The following PVT1 variants were observed in gnomAD, a reference collection of about 807,000 sequenced individuals.
The protein encoded by PVT1 is CXCR4/PVT1 fusion.
At chr8:127,911,900 T>C (rs1815902623) in intron 3 of PVT1, among the ~76,000 whole-genome samples, 1 of 152,244 alleles carries the variant, frequency 6.6e-6, no homozygotes, top group Non-Finnish European at 1.5e-5. Context: ...GTAAACTGTT[T>C]TAACTGAACC....
intron 2 of PVT1, among the ~76,000 whole-genome samples, chr8:127,860,534 G>A (rs1008175892): frequency 2.6e-5 from 4 of 152,088 alleles, no homozygotes; most frequent in Admixed American, 1.3e-4. Flanking sequence ...GGAGGCCAAG[G>A]TGGGCGGATC....
At chr8:127,952,865 C>T (rs1248603693) in intron 3 of PVT1, among the ~76,000 whole-genome samples, 1 of 151,910 alleles carries the variant, frequency 6.6e-6, no homozygotes, top group Non-Finnish European at 1.5e-5. Flanking sequence ...CCCAGGTTCA[C>T]GCCATTCTCC....
intron 2 of PVT1, among the ~76,000 whole-genome samples, chr8:127,868,388 G>C (rs753486239): frequency 2.0e-5 from 3 of 151,732 alleles, no homozygotes; most frequent in Non-Finnish European, 4.4e-5. Context: ...AGTTTTTTTT[G>C]TTTGTTTGTT....
At chr8:127,896,780 C>CCCCCCCCCCCCCCCCA (rs1815683721) in intron 3 of PVT1, among the ~76,000 whole-genome samples, 1 of 141,100 alleles carries the variant, frequency 7.1e-6, no homozygotes, top group Admixed American at 6.9e-5. Flanking sequence ...TTCCTCCCCC[C>CCCCCCCCCCCCCCCCA]CCCCGCCCCC....
Position 127,963,575 on chromosome 8 carries a change from C to G in PVT1, n.783-25587C>G, listed in dbSNP as rs188499861. On this transcript the variant is annotated intron_variant and non_coding_transcript_variant, in intron 3 of 10. Transcript: ENST00000651587. ...CATAGAAAGGCAGCACCCCCCACCC[C>G]CCTCCACCCTTTTTTTGAAGCAGCA... 2.4e-3 allele frequency among the ~76,000 whole-genome samples: 367 copies of G among 152,238 alleles called. 4 individuals are homozygous for G. Among genetic ancestry groups the G allele is most frequent in the African/African-American group, 8.6e-3 (356 of 41,536 alleles).
chr8:128,081,109 A>G (rs1231776426), intron 5 of PVT1, among the ~76,000 whole-genome samples: 1 of 152,186 alleles, frequency 6.6e-6, no homozygotes, highest in Non-Finnish European at 1.5e-5. Flanking sequence ...CTTGATGACC[A>G]TAGCTTTATA....
chr8:127,895,603 T>C (rs1815665230), intron 3 of PVT1, among the ~76,000 whole-genome samples: 1 of 152,056 alleles, frequency 6.6e-6, no homozygotes, highest in South Asian at 2.1e-4. Flanking sequence ...GGAATACTAG[T>C]TTTTTTTAAA....
chr8:128,074,244 C>T (rs138231339), intron 5 of PVT1, among the ~76,000 whole-genome samples: 287 of 152,258 alleles, frequency 1.9e-3, no homozygotes, highest in African/African-American at 6.3e-3. Flanking sequence ...CAGTGGCTCA[C>T]GCCTGTAATC....
intron 4 of PVT1, among the ~76,000 whole-genome samples, chr8:128,020,345 C>A (rs762307178): frequency 5.2e-4 from 79 of 152,278 alleles, no homozygotes; most frequent in Non-Finnish European, 1.0e-3. Context: ...CCAGGTGGAT[C>A]CAATCCAATC....
chr8:128,054,547 T>C (rs771951388), intron 4 of PVT1, among the ~76,000 whole-genome samples: 1 of 152,196 alleles, frequency 6.6e-6, no homozygotes, highest in African/African-American at 2.4e-5. Context: ...TCCTTGCACC[T>C]GTTGATTGAA....
chr8:127,969,948 G>A (rs1816744750), intron 3 of PVT1, among the ~76,000 whole-genome samples: 1 of 152,204 alleles, frequency 6.6e-6, no homozygotes, highest in African/African-American at 2.4e-5. Context: ...ATTCTTTGCA[G>A]TGGGCCCAGG....
chr8:127,907,430 A>G (rs1167779221), intron 3 of PVT1, among the ~76,000 whole-genome samples: 1 of 152,190 alleles, frequency 6.6e-6, no homozygotes, highest in East Asian at 1.9e-4. Context: ...GCCTGATGGA[A>G]CTGACACGGG....
intron 2 of PVT1, among the ~76,000 whole-genome samples, chr8:127,821,882 C>G (rs1219575960): frequency 6.6e-6 from 1 of 152,104 alleles, no homozygotes; most frequent in Non-Finnish European, 1.5e-5. Context: ...CAGTGCTATG[C>G]TAAACTGTGA....
At chr8:128,043,700 T>C (rs1466599983) in intron 4 of PVT1, among the ~76,000 whole-genome samples, 1 of 152,126 alleles carries the variant, frequency 6.6e-6, no homozygotes, top group Non-Finnish European at 1.5e-5. Context: ...GAGATCTTTG[T>C]GTGTCCGTAT....
chr8:127,968,204 G>A (rs988526736), intron 3 of PVT1, among the ~76,000 whole-genome samples: 2 of 152,132 alleles, frequency 1.3e-5, no homozygotes, highest in African/African-American at 2.4e-5. Flanking sequence ...GGGTGTATAC[G>A]TCCCTTTTCC....
At chr8:127,848,949 G>A (rs1325631327) in intron 2 of PVT1, among the ~76,000 whole-genome samples, 3 of 152,200 alleles carry the variant, frequency 2.0e-5, no homozygotes, top group African/African-American at 4.8e-5. Context: ...TGTGGACCAC[G>A]CTGAAGGGAG....
intron 3 of PVT1, among the ~76,000 whole-genome samples, chr8:127,908,544 A>G (rs779467230): frequency 6.6e-5 from 10 of 151,760 alleles, no homozygotes; most frequent in African/African-American, 1.9e-4. Flanking sequence ...GTTTCACCAT[A>G]TTGACCAGGC....
chr8:127,938,615 G>A (rs1816307790), intron 3 of PVT1, among the ~76,000 whole-genome samples: 1 of 152,170 alleles, frequency 6.6e-6, no homozygotes, highest in African/African-American at 2.4e-5. Context: ...TTCTTAAGGT[G>A]TTTAAAGAAA....
At chr8:127,810,512 C>G (rs1434223555) in intron 2 of PVT1, among the ~76,000 whole-genome samples, 2 of 152,178 alleles carry the variant, frequency 1.3e-5, no homozygotes, top group Admixed American at 6.5e-5. Context: ...CCTCACTGTC[C>G]CAAGGCTGAG....
Sources: gnomAD v4.1 joint callset for allele counts (sites outside exome capture counted in the v4.1 genomes callset) on GRCh38, gnomAD v4.1.1 for gene constraint, MANE v1.5 for transcripts, NCBI Gene and HGNC (gene_info 2026-07-23, HGNC 2026-07-21) for gene names.